RAPGEF6: variants seen among roughly 807,000 people sequenced by gnomAD.
The protein encoded by RAPGEF6 is PDZ domain containing guanine nucleotide exchange factor (GEF) 2.
A neutral mutation model predicts 171.4 loss-of-function variants in RAPGEF6; 56 were observed. The ratio of observed to expected loss-of-function variants is 0.33; its 90% CI spans 0.26 to 0.41. The LOEUF (loss-of-function observed/expected upper bound fraction) is 0.41. Among genes scored for constraint, RAPGEF6 ranks in the 10% least tolerant of loss-of-function variants. The pLI is 1.00. For missense variants in RAPGEF6, 1,674 were observed against 1,921.4 expected (o/e 0.87, Z 2.41); for synonymous variants, 692 against 650.1 (o/e 1.06, Z -0.98).
At chr5:131,607,174 G>A (rs1310399225) in intron 1 of RAPGEF6, among the ~76,000 whole-genome samples, 2 of 152,170 alleles carry the variant, frequency 1.3e-5, no homozygotes, top group African/African-American at 2.4e-5. Flanking sequence ...GGAAACCTCT[G>A]CCCCATTCCC....
At position 131,582,658 on chromosome 5, in the gene RAPGEF6, G is replaced by A. The variant is rs1273692161; in HGVS notation, c.281+9725C>T. Among the ~76,000 whole-genome samples, 5 of 152,142 alleles carry A rather than the reference G, an allele frequency of 3.3e-5. No homozygotes were observed. The South Asian group carries it at 6.2e-4, about 19-fold the overall frequency. ...ACACAATTAAGAGGGAAAATACAAT[G>A]CACAAATAGGGAGAAAATATTTGCA... On this transcript the variant is annotated intron_variant, in intron 4 of 27. Transcript: ENST00000509018.
At position 131,563,572 on chromosome 5, in the gene RAPGEF6, C is replaced by T. The variant is rs188332687; in HGVS notation, c.282-1525G>A. 1.2e-4 allele frequency among the ~76,000 whole-genome samples: 18 copies of T among 152,290 alleles called. No homozygotes were observed. The East Asian group carries it at 1.7e-3, about 15-fold the overall frequency. On this transcript the variant is annotated intron_variant, in intron 4 of 27. Coordinates refer to ENST00000509018, the MANE Select transcript of RAPGEF6 (RefSeq NM_016340.6). The stretch of plus-strand genomic sequence containing the variant: ...AGGCTGCAGTGCAGTGGTGCAATCA[C>T]GGCTCACTGTAGCCTCGACATCCCT...
intron 4 of RAPGEF6, among the ~76,000 whole-genome samples, chr5:131,566,725 GTTTCT>G (rs1561568168): frequency 1.3e-5 from 2 of 150,542 alleles, no homozygotes; most frequent in African/African-American, 4.9e-5. Context: ...TGTACTCAAA[GTTTCT>G]TTTTCTTTTT....
intron 3 of RAPGEF6, among the ~76,000 whole-genome samples, chr5:131,600,825 T>C (rs1238377811): frequency 1.3e-5 from 2 of 152,010 alleles, no homozygotes; most frequent in Non-Finnish European, 2.9e-5. Flanking sequence ...ACCAAACTTT[T>C]GGAGGAGAAA....
intron 6 of RAPGEF6, among the ~76,000 whole-genome samples, chr5:131,546,559 G>A (rs566509898): frequency 2.0e-5 from 3 of 151,548 alleles, no homozygotes; most frequent in Non-Finnish European, 2.9e-5. Context: ...AGCTGAGATC[G>A]TGCCACTGCA....
chr5:131,547,166 A>C (rs1279360489), intron 6 of RAPGEF6, among the ~76,000 whole-genome samples: 2 of 152,252 alleles, frequency 1.3e-5, no homozygotes, highest in Non-Finnish European at 2.9e-5. Flanking sequence ...ATTCCAGTAC[A>C]AACAACTCTC....
intron 7 of RAPGEF6, among the ~76,000 whole-genome samples, chr5:131,513,866 G>T: frequency 6.6e-6 from 1 of 151,834 alleles, no homozygotes. Flanking sequence ...AAAATTAGCC[G>T]GGTGTGGTGG....
intron 21 of RAPGEF6, among the ~76,000 whole-genome samples, chr5:131,449,737 T>C (rs79018703): frequency 1.1e-3 from 160 of 152,284 alleles, no homozygotes; most frequent in African/African-American, 3.4e-3. Context: ...GTATGGCACA[T>C]AGCAAGCACA....
intron 4 of RAPGEF6, among the ~76,000 whole-genome samples, chr5:131,564,973 A>AT (rs200445265): frequency 3.9e-4 from 60 of 151,940 alleles, no homozygotes; most frequent in African/African-American, 1.0e-3. Flanking sequence ...TAGTTTTAGC[A>AT]TTTTTTTTAT....
chr5:131,454,457 A>C (rs534824395), intron 20 of RAPGEF6, among the ~76,000 whole-genome samples: 2 of 152,312 alleles, frequency 1.3e-5, no homozygotes, highest in East Asian at 3.9e-4. Context: ...TTAAGACCCA[A>C]AGGGGATCCA....
intron 21 of RAPGEF6, among the ~76,000 whole-genome samples, chr5:131,447,756 T>C (rs1213037226): frequency 6.6e-6 from 1 of 152,236 alleles, no homozygotes; most frequent in Non-Finnish European, 1.5e-5. Flanking sequence ...ATGCTTTCAT[T>C]GTAAATTAAG....
intron 17 of RAPGEF6, among the ~76,000 whole-genome samples, chr5:131,470,093 C>T (rs1754641565): frequency 6.6e-6 from 1 of 151,784 alleles, no homozygotes; most frequent in Non-Finnish European, 1.5e-5. Flanking sequence ...ATGTTTTTTT[C>T]AATCCAAATA....
chr5:131,614,815 T>C (rs976204693), intron 1 of RAPGEF6, among the ~76,000 whole-genome samples: 1 of 152,224 alleles, frequency 6.6e-6, no homozygotes, highest in Non-Finnish European at 1.5e-5. Flanking sequence ...TTTTCTAGTA[T>C]CCCAAGCCTA....
At chr5:131,553,269 C>T (rs1353237411) in intron 5 of RAPGEF6, among the ~76,000 whole-genome samples, 1 of 152,170 alleles carries the variant, frequency 6.6e-6, no homozygotes, top group Admixed American at 6.5e-5. Flanking sequence ...AATTTGAAAC[C>T]ACTGGTGCAC....
rs1751827598 is a variant in RAPGEF6, at chr5:131,433,411, CACAG to C, written c.3974+15_3974+18del. ...CTTGGCTTGGGTTTTGTGTTATGAA[CACAG>C]ACAATGATGCTTACCCAGGGCCATG... is the stretch of plus-strand genomic sequence containing the variant. On this transcript the variant is annotated intron_variant, in intron 25 of 27. Coordinates refer to ENST00000509018, the MANE Select transcript of RAPGEF6 (RefSeq NM_016340.6). 6.3e-7 allele frequency: 1 copy of C among 1,595,866 alleles called. No homozygotes were observed. Among genetic ancestry groups the C allele is most frequent in the Non-Finnish European group, 8.6e-7 (1 of 1,163,518 alleles).
rs1280312140 is a variant in RAPGEF6, at chr5:131,461,845, G to A, written c.2724C>T (p.Asn908=). 2.5e-6 allele frequency: 4 copies of A among 1,613,984 alleles called. No homozygotes were observed. In the Admixed American group the frequency reaches 6.7e-5, roughly 27 times the overall value. ...THLKRFEDIV[N]QETFWVASEI... ...CTGAGGCAACCCAGAATGTCTCTTG[G>A]TTTACAATGTCCTCAAACCTCTTCA... Residue 908 remains asparagine (N), a synonymous_variant, in exon 19 of 28, where the codon AAC becomes AAT. Coordinates refer to ENST00000509018, the MANE Select transcript of RAPGEF6 (RefSeq NM_016340.6).
rs573253858 is a variant in RAPGEF6 at position 131,618,121 on chromosome 5, A to C, written c.70-13428T>G. ...TGCCAGAAAGCAAAAAAGTACTTAA[A>C]GACTAATGGGGTCACATCAAAAGGA... On this transcript the variant is annotated intron_variant, in intron 1 of 27. Coordinates refer to ENST00000509018, the MANE Select transcript of RAPGEF6 (RefSeq NM_016340.6). Among the ~76,000 whole-genome samples, 21 of 152,340 alleles carry C rather than the reference A, an allele frequency of 1.4e-4. 1 individual carries two copies. Among genetic ancestry groups the C allele is most frequent in the Middle Eastern group, 6.8e-3 (2 of 294 alleles).
intron 3 of RAPGEF6, among the ~76,000 whole-genome samples, chr5:131,599,062 G>A (rs527406255): frequency 6.6e-6 from 1 of 152,368 alleles, no homozygotes; most frequent in African/African-American, 2.4e-5. Context: ...TGTAATTTCA[G>A]CATTTTGGGA....
intron 5 of RAPGEF6, among the ~76,000 whole-genome samples, chr5:131,558,589 T>TATAA (rs1761392079): frequency 6.6e-6 from 1 of 152,204 alleles, no homozygotes; most frequent in Non-Finnish European, 1.5e-5. Flanking sequence ...TTTGCTCTTA[T>TATAA]AGCACTAGGG....
Sources: allele counts gnomAD v4.1 joint callset (sites outside exome capture counted in the v4.1 genomes callset), GRCh38; gene constraint gnomAD v4.1.1; transcripts MANE v1.5; gene names NCBI Gene and HGNC (gene_info 2026-07-23, HGNC 2026-07-21).